The following ELAVL4 variants were observed in gnomAD, a reference collection of about 807,000 sequenced individuals.
ELAVL4 encodes ELAV like RNA binding protein 4.
A neutral mutation model predicts 35.6 loss-of-function variants in ELAVL4; 1 was observed. The observed-to-expected ratio is 0.03, with a 90% CI of 0.01 to 0.13. The LOEUF is 0.13. Ranked by LOEUF, ELAVL4 falls within the 10% of genes least tolerant of loss-of-function variation. The pLI is 1.00. For synonymous variants in ELAVL4, 156 were observed against 171.0 expected (o/e 0.91, Z 0.69); for missense variants, 267 against 464.9 (o/e 0.57, Z 3.91).
intron 1 of ELAVL4, 48 bp from the exon 2 acceptor site, chr1:50,144,909 T>C: frequency 6.3e-7 from 1 of 1,589,512 alleles, no homozygotes; most frequent in Non-Finnish European, 8.5e-7. Flanking sequence ...AGAGACTTTG[T>C]GTCTGAGATT....
chr1:50,124,141 G>C (rs1226170002), intron 1 of ELAVL4, among the ~76,000 whole-genome samples: 1 of 152,068 alleles, frequency 6.6e-6, no homozygotes, highest in Non-Finnish European at 1.5e-5. Flanking sequence ...GACTGGTTTT[G>C]ACACAGCTAT....
chr1:50,118,233 CT>C lies in ELAVL4; in HGVS notation c.9+9036del, dbSNP rs1180220468. 2.0e-5 allele frequency among the ~76,000 whole-genome samples: 3 copies of C among 152,100 alleles called. No homozygotes were observed. The East Asian group carries it at 5.8e-4, about 29-fold the overall frequency. On this transcript the variant is annotated intron_variant, in intron 1 of 6. Transcript: ENST00000371824. ...TTTTTTTTCCTTTTCACTGTATCAGCTGTTTTCCTCCTTTCCCCTTGTTTTC... is the reference window on the plus strand; with the variant it reads ...TTTTTTTTCCTTTTCACTGTATCAGCGTTTTCCTCCTTTCCCCTTGTTTTC...
At chr1:50,161,669 A>T (rs1329288039) in intron 2 of ELAVL4, among the ~76,000 whole-genome samples, 5 of 152,242 alleles carry the variant, frequency 3.3e-5, no homozygotes, top group Admixed American at 3.3e-4. Flanking sequence ...ACAAACCAAA[A>T]GGGTGGGGGA....
intron 1 of ELAVL4, among the ~76,000 whole-genome samples, chr1:50,143,434 T>C (rs1339360662): frequency 2.0e-5 from 3 of 152,180 alleles, no homozygotes; most frequent in Admixed American, 6.5e-5. Flanking sequence ...AGAAGTCACA[T>C]TGGATGATTG....
chr1:50,112,820 T>C (rs1471037205), intron 1 of ELAVL4, among the ~76,000 whole-genome samples: 6 of 152,198 alleles, frequency 3.9e-5, no homozygotes, highest in Middle Eastern at 3.4e-3. Context: ...TTCTGTTTGA[T>C]GGTTTGCACA....
At chr1:50,149,896 C>A (rs1456845319) in intron 2 of ELAVL4, among the ~76,000 whole-genome samples, 1 of 152,020 alleles carries the variant, frequency 6.6e-6, no homozygotes, top group Non-Finnish European at 1.5e-5. Flanking sequence ...TTATCAATAA[C>A]AAAACTGAAT....
chr1:50,053,020 A>G (rs1663468578), intron 1 of ELAVL4, among the ~76,000 whole-genome samples: 1 of 152,194 alleles, frequency 6.6e-6, no homozygotes, highest in Non-Finnish European at 1.5e-5. Context: ...TTATTAGTAT[A>G]ATAACAGAGT....
chr1:50,144,044 A>C (rs1287855941), intron 1 of ELAVL4, among the ~76,000 whole-genome samples: 2 of 152,156 alleles, frequency 1.3e-5, no homozygotes, highest in Non-Finnish European at 2.9e-5. Flanking sequence ...TCCTATAAGC[A>C]GAAGTAATTG....
intron 1 of ELAVL4, among the ~76,000 whole-genome samples, chr1:50,128,789 G>A (rs533169548): frequency 2.0e-5 from 3 of 152,232 alleles, no homozygotes; most frequent in South Asian, 4.1e-4. Flanking sequence ...CCTACAGAAG[G>A]CTGTGGCCTG....
At chr1:50,146,154 G>GT (rs11352967) in intron 2 of ELAVL4, among the ~76,000 whole-genome samples, 353 of 147,362 alleles carry the variant, frequency 2.4e-3, no homozygotes, top group East Asian at 0.011. Context: ...CTGTCCTAGA[G>GT]TTTTTTTTTT....
At chr1:50,180,306 G>A (rs1480929030) in intron 3 of ELAVL4, 1 of 152,090 alleles carries the variant, frequency 6.6e-6, no homozygotes, top group Non-Finnish European at 1.5e-5. Flanking sequence ...ACACTCAAAG[G>A]AAATGCTCAT....
intron 2 of ELAVL4, chr1:50,174,460 T>C (rs2148818039): frequency 6.6e-6 from 1 of 152,070 alleles, no homozygotes; most frequent in African/African-American, 2.4e-5. Flanking sequence ...TCTTCCTTTC[T>C]GAAATGATGT....
upstream of ELAVL4, among the ~76,000 whole-genome samples, chr1:50,103,522 C>A (rs534590442): frequency 4.6e-5 from 7 of 151,960 alleles, no homozygotes; most frequent in African/African-American, 1.7e-4. Context: ...TATAGTATAC[C>A]ATTTTCTGGG....
intron 3 of ELAVL4, 95 bp from the exon 4 acceptor site, chr1:50,193,670 C>A: frequency 7.0e-7 from 1 of 1,427,852 alleles, no homozygotes; most frequent in Non-Finnish European, 9.5e-7. Flanking sequence ...TGAGTTGTAA[C>A]GGTAGATGAG....
chr1:50,120,277 T>G (rs559409804), intron 1 of ELAVL4, among the ~76,000 whole-genome samples: 2 of 151,820 alleles, frequency 1.3e-5, no homozygotes, highest in Middle Eastern at 6.8e-3. Context: ...GAAATGCCAT[T>G]TGAGTAGAGC....
chr1:50,060,081 A>C (rs1663880847), intron 1 of ELAVL4, among the ~76,000 whole-genome samples: 1 of 152,186 alleles, frequency 6.6e-6, no homozygotes, highest in Admixed American at 6.5e-5. Context: ...TAAAATGGTT[A>C]GTTTTGTTTT....
At chr1:50,119,036 A>AAAGG (rs1668502450) in intron 1 of ELAVL4, among the ~76,000 whole-genome samples, 1 of 127,174 alleles carries the variant, frequency 7.9e-6, no homozygotes, top group East Asian at 2.4e-4. Flanking sequence ...GAAAGAAAGA[A>AAAGG]AAAGAAAGAA....
chr1:50,083,215 C>A (rs1665088904), intron 1 of ELAVL4, among the ~76,000 whole-genome samples: 1 of 152,048 alleles, frequency 6.6e-6, no homozygotes, highest in African/African-American at 2.4e-5. Flanking sequence ...CAACACTTTA[C>A]CTGACTAATA....
At position 50,109,018 on chromosome 1, in the gene ELAVL4, C is replaced by CGGGGGG; in HGVS notation, c.-172_-171insGGGGGG. 3 of 519,098 alleles carry CGGGGGG rather than the reference C, an allele frequency of 5.8e-6. No individual in the cohort carries two copies. Among genetic ancestry groups the CGGGGGG allele is most frequent in the Non-Finnish European group, 7.2e-6 (3 of 416,508 alleles). The allele number at this position is 519,098 out of a possible 1,614,324, so 32.2% of individuals were successfully genotyped here. On this transcript the variant is annotated 5_prime_UTR_variant, in exon 1 of 7. Coordinates refer to ENST00000371824, the MANE Select transcript of ELAVL4 (RefSeq NM_001144774.3). ...CCTTTTCTTTTTTTTCTTTCTCTCC[C>CGGGGGG]CCGCCCACCCCCCCAAAAATAATTG...
Sources: allele counts gnomAD v4.1 joint callset (sites outside exome capture counted in the v4.1 genomes callset), GRCh38; gene constraint gnomAD v4.1.1; transcripts MANE v1.5; gene names NCBI Gene and HGNC (gene_info 2026-07-23, HGNC 2026-07-21).